CEP128: variants seen among roughly 807,000 people sequenced by gnomAD.
CEP128 encodes the protein centrosomal protein 128kDa.
A neutral mutation model predicts 156.7 loss-of-function variants in CEP128; 132 were observed. The observed-to-expected ratio is 0.84, with a 90% CI of 0.73 to 0.97. CEP128 has a LOEUF of 0.97. Among genes scored for constraint, CEP128 ranks in the 50% least tolerant of loss-of-function variants. The pLI, the probability that CEP128 is intolerant of heterozygous loss-of-function variation, is 0.00. For synonymous variants in CEP128, 469 were observed against 448.9 expected, an observed-to-expected ratio of 1.04 and a Z score of -0.57; for missense variants, 1,252 against 1,281.9, an observed-to-expected ratio of 0.98 and a Z score of 0.36.
At chr14:80,851,668 T>C (rs760437409) in intron 9 of CEP128, among the ~76,000 whole-genome samples, 4 of 152,016 alleles carry the variant, frequency 2.6e-5, no homozygotes, top group South Asian at 2.1e-4. Flanking sequence ...ATAAATAAGA[T>C]AAAAACACTT....
chr14:80,919,611 C>A (rs2139522201), intron 2 of CEP128, among the ~76,000 whole-genome samples: 1 of 152,116 alleles, frequency 6.6e-6, no homozygotes, highest in Non-Finnish European at 1.5e-5. Context: ...TTTTATAAAA[C>A]ACACTGCACT....
intron 13 of CEP128, among the ~76,000 whole-genome samples, chr14:80,819,535 T>C (rs551620710): frequency 4.6e-5 from 7 of 152,160 alleles, no homozygotes; most frequent in Non-Finnish European, 8.8e-5. Flanking sequence ...CGTGAGCCAC[T>C]GCACCCAGCC....
chr14:80,933,443 ATCCCC>A (rs1453118111), intron 2 of CEP128, among the ~76,000 whole-genome samples: 4 of 152,268 alleles, frequency 2.6e-5, no homozygotes, highest in African/African-American at 9.6e-5. Context: ...TTTACAGATA[ATCCCC>A]TTATAGTTAA....
chr14:80,857,265 A>G (rs912338910), intron 9 of CEP128, among the ~76,000 whole-genome samples: 1 of 147,360 alleles, frequency 6.8e-6, no homozygotes, highest in Non-Finnish European at 1.5e-5. Flanking sequence ...TACAGTCTAC[A>G]TACCTCTTTC....
At chr14:80,707,873 A>C (rs149418837) in intron 19 of CEP128, among the ~76,000 whole-genome samples, 2 of 152,290 alleles carry the variant, frequency 1.3e-5, no homozygotes, top group Admixed American at 1.3e-4. Flanking sequence ...AAGGATATAT[A>C]GCTATCTTGA....
chr14:80,745,579 A>T (rs1432828297), intron 18 of CEP128, among the ~76,000 whole-genome samples: 5 of 152,154 alleles, frequency 3.3e-5, no homozygotes, highest in Non-Finnish European at 5.9e-5. Flanking sequence ...ACACTCAAAA[A>T]ACTACAAATA....
intron 19 of CEP128, among the ~76,000 whole-genome samples, chr14:80,627,903 T>C (rs754357650): frequency 3.6e-4 from 55 of 152,116 alleles, no homozygotes; most frequent in Admixed American, 1.1e-3. Flanking sequence ...ATACCAGAGA[T>C]TGTATTCTAA....
intron 23 of CEP128, 141 bp downstream of exon 23, chr14:80,526,728 T>C (rs921558364): frequency 1.2e-5 from 6 of 508,902 alleles, no homozygotes; most frequent in African/African-American, 1.2e-4. Flanking sequence ...TTCCACAGAA[T>C]TGAAAGTCTA....
intron 21 of CEP128, among the ~76,000 whole-genome samples, chr14:80,547,910 T>C (rs1890053293): frequency 6.6e-6 from 1 of 152,000 alleles, no homozygotes; most frequent in African/African-American, 2.4e-5. Flanking sequence ...GCAATTCTCC[T>C]GCCTCAGCCT....
intron 22 of CEP128, chr14:80,527,199 TG>T (rs1889014618): frequency 9.1e-6 from 5 of 547,208 alleles, no homozygotes; most frequent in South Asian, 8.9e-5. Flanking sequence ...GAGGCCAAGG[TG>T]GGAGGATAGC....
chr14:80,690,244 TAA>T (rs552661665), intron 19 of CEP128, among the ~76,000 whole-genome samples: 25 of 116,382 alleles, frequency 2.1e-4, no homozygotes, highest in Admixed American at 4.5e-4. Context: ...CTGTCTCTAT[TAA>T]AAAAAAAAAA....
At chr14:80,798,956 T>A (rs1450239426) in intron 13 of CEP128, among the ~76,000 whole-genome samples, 1 of 152,240 alleles carries the variant, frequency 6.6e-6, no homozygotes, top group Non-Finnish European at 1.5e-5. Context: ...CAATGCATAT[T>A]TTAAATAATC....
At chr14:80,860,652 T>C (rs542227947) in intron 9 of CEP128, among the ~76,000 whole-genome samples, 1 of 152,110 alleles carries the variant, frequency 6.6e-6, no homozygotes, top group East Asian at 1.9e-4. Flanking sequence ...ACATGCTGTA[T>C]CTAATTATTC....
chr14:80,723,836 G>T (rs1269267240), intron 19 of CEP128, among the ~76,000 whole-genome samples: 1 of 152,154 alleles, frequency 6.6e-6, no homozygotes, highest in African/African-American at 2.4e-5. Context: ...GGGCAAGATT[G>T]CCAGGTCACT....
intron 19 of CEP128, among the ~76,000 whole-genome samples, chr14:80,659,912 T>G (rs1895327530): frequency 6.6e-6 from 1 of 151,882 alleles, no homozygotes; most frequent in Non-Finnish European, 1.5e-5. Context: ...TATCAGGGGG[T>G]TTGGGAGGTC....
chr14:80,761,737 T>C (rs1387154190), intron 16 of CEP128, 124 bp from the exon 17 acceptor site: 2 of 584,730 alleles, frequency 3.4e-6, no homozygotes, highest in Non-Finnish European at 5.6e-6. Context: ...TCAGTCCCCT[T>C]ACTTTACCAA....
At chr14:80,726,753 C>T (rs1898034335) in intron 19 of CEP128, among the ~76,000 whole-genome samples, 1 of 151,990 alleles carries the variant, frequency 6.6e-6, no homozygotes, top group Admixed American at 6.6e-5. Flanking sequence ...ATACTTCTGC[C>T]TAGCTAATAA....
intron 19 of CEP128, among the ~76,000 whole-genome samples, chr14:80,629,247 A>ACAAACT (rs1450702506): frequency 6.6e-6 from 1 of 152,166 alleles, no homozygotes; most frequent in Non-Finnish European, 1.5e-5. Flanking sequence ...GTGGTCTTTG[A>ACAAACT]CAAACTCAGT....
In CEP128 at chr14:80,840,783, G is replaced by A; in HGVS notation, c.763-15C>T. ...TTCTTTAGTGCCTGGAATGAAAGAG[G>A]TGGAAAAAAATTATCCCAAAATATG... On this transcript the variant is annotated splice_polypyrimidine_tract_variant and intron_variant, in intron 9 of 24. Coordinates refer to ENST00000555265, the MANE Select transcript of CEP128 (RefSeq NM_152446.5). 1 of 1,543,898 alleles carries A rather than the reference G, an allele frequency of 6.5e-7. No homozygotes were observed. Among genetic ancestry groups the A allele is most frequent in the Non-Finnish European group, 8.9e-7 (1 of 1,120,082 alleles).
Sources: allele counts gnomAD v4.1 joint callset (sites outside exome capture counted in the v4.1 genomes callset), GRCh38; gene constraint gnomAD v4.1.1; transcripts MANE v1.5; gene names NCBI Gene and HGNC (gene_info 2026-07-23, HGNC 2026-07-21).